Variants in UNC13C observed in about 807,000 individuals in gnomAD.
The protein encoded by UNC13C is protein unc-13 homolog C.
UNC13C carries 174 observed loss-of-function variants against 245.4 expected under a neutral mutation model. The ratio of observed to expected loss-of-function variants is 0.71; its 90% CI spans 0.63 to 0.80. The LOEUF (loss-of-function observed/expected upper bound fraction) is 0.80, where lower values mean the gene tolerates loss of function less well. UNC13C is among the 30% of genes least tolerant of loss of function. The probability of loss-of-function intolerance (pLI) is 0.00; values close to 1 mark genes in which losing one functional copy is unlikely to be tolerated. For missense variants in UNC13C, 2,829 were observed against 2,602.9 expected (o/e 1.09, Z -1.89); for synonymous variants, 992 against 895.1 (o/e 1.11, Z -1.93).
At chr15:54,433,153 A>G (rs760839079) in intron 19 of UNC13C, among the ~76,000 whole-genome samples, 1 of 152,152 alleles carries the variant, frequency 6.6e-6, no homozygotes, top group Non-Finnish European at 1.5e-5. Context: ...ATTCTACCAG[A>G]GATACAAAGA....
chr15:54,054,207 C>T (rs1430093569), intron 2 of UNC13C, among the ~76,000 whole-genome samples: 4 of 152,190 alleles, frequency 2.6e-5, no homozygotes, highest in Non-Finnish European at 5.9e-5. Context: ...AAACTGTTCT[C>T]CATGATGGTT....
At position 54,500,929 on chromosome 15, in the gene UNC13C, A is replaced by G; in HGVS notation, c.5252A>G (p.Glu1751Gly). 1 of 1,613,034 alleles carries G rather than the reference A, an allele frequency of 6.2e-7. No homozygotes were observed. The highest frequency in any genetic ancestry group is 8.5e-7 in the Non-Finnish European group (1 of 1,179,264). Residue 1751 changes from glutamate to glycine, a missense_variant, in exon 22 of 33, where the codon GAA (glutamate) becomes GGA (glycine). By Grantham distance (98) the Glu-to-Gly change is moderately conservative. Coordinates refer to ENST00000260323, the MANE Select transcript of UNC13C (RefSeq NM_001080534.3). Reference protein sequence around the residue: ...NQSFEIIKKLECPNPEALSHL... With the variant: ...NQSFEIIKKLGCPNPEALSHL... ...AGCTTTGAAATTATTAAGAAACTGG[A>G]ATGCCCTAATCCTGAAGCATTATCT...
chr15:54,164,710 G>A (rs1199319936), intron 4 of UNC13C, among the ~76,000 whole-genome samples: 1 of 152,070 alleles, frequency 6.6e-6, no homozygotes, highest in Non-Finnish European at 1.5e-5. Context: ...CAAATGTTCT[G>A]GATTGATGTA....
intron 1 of UNC13C, among the ~76,000 whole-genome samples, chr15:53,981,212 T>C (rs973093066): frequency 2.6e-5 from 4 of 152,190 alleles, no homozygotes; most frequent in African/African-American, 9.7e-5. Flanking sequence ...CTCTGAAGTA[T>C]TATGCCACCT....
intron 30 of UNC13C, among the ~76,000 whole-genome samples, chr15:54,603,225 A>T (rs1771938066): frequency 6.6e-6 from 1 of 152,034 alleles, no homozygotes; most frequent in African/African-American, 2.4e-5. Flanking sequence ...ATTTGGGAGG[A>T]TCCAAAAATT....
intron 17 of UNC13C, among the ~76,000 whole-genome samples, chr15:54,369,216 A>G (rs1306073224): frequency 6.6e-6 from 1 of 151,400 alleles, no homozygotes; most frequent in African/African-American, 2.4e-5. Context: ...AAAAAGTTGA[A>G]TGCTAGAGGA....
At chr15:54,552,635 A>AT (rs1343714600) in intron 28 of UNC13C, among the ~76,000 whole-genome samples, 1 of 82,272 alleles carries the variant, frequency 1.2e-5, no homozygotes, top group Non-Finnish European at 2.0e-5. Flanking sequence ...ATATTGTACA[A>AT]TATAATATAA....
intron 10 of UNC13C, among the ~76,000 whole-genome samples, chr15:54,273,537 C>A (rs1200598864): frequency 6.6e-6 from 1 of 152,136 alleles, no homozygotes; most frequent in East Asian, 1.9e-4. Flanking sequence ...ATAATTAGCT[C>A]AGTTCATCTT....
At chr15:54,531,465 A>T (rs1895731329) in intron 25 of UNC13C, among the ~76,000 whole-genome samples, 1 of 152,186 alleles carries the variant, frequency 6.6e-6, no homozygotes. Flanking sequence ...TCACTGTCTG[A>T]AATTCAAATT....
At chr15:54,165,096 C>T (rs995217785) in intron 4 of UNC13C, among the ~76,000 whole-genome samples, 39 of 152,034 alleles carry the variant, frequency 2.6e-4, no homozygotes, top group African/African-American at 8.9e-4. Context: ...TAAAAAGTCA[C>T]CTTCCCTTTG....
chr15:54,152,594 A>G (rs375663238), intron 4 of UNC13C, among the ~76,000 whole-genome samples: 1 of 152,138 alleles, frequency 6.6e-6, no homozygotes, highest in Non-Finnish European at 1.5e-5. Context: ...CCACTGATAC[A>G]TCCTTTATGA....
the UNC13C span, among the ~76,000 whole-genome samples, chr15:53,844,590 C>A: frequency 6.6e-6 from 1 of 152,050 alleles, no homozygotes; most frequent in African/African-American, 2.4e-5. Context: ...GCATTCTTGA[C>A]GATGACATTT....
intron 17 of UNC13C, among the ~76,000 whole-genome samples, chr15:54,356,901 A>G (rs927994375): frequency 6.6e-6 from 1 of 152,114 alleles, no homozygotes; most frequent in Non-Finnish European, 1.5e-5. Context: ...AAGGCACTTC[A>G]ATGTTTAATC....
rs529812728 is a variant in UNC13C, at chr15:54,626,977, C to G, written c.6509C>G (p.Pro2170Arg). 85 of 1,613,406 alleles carry G rather than the reference C, an allele frequency of 5.3e-5. No homozygotes were observed. The highest frequency in any genetic ancestry group is 4.5e-4 in the African/African-American group (34 of 74,990). ...AEKGSYGAWYPLLKNISMDET... is the reference protein window; with the variant it reads ...AEKGSYGAWYRLLKNISMDET... Reference sequence around the variant, plus strand: ...AAGGGAAGCTATGGGGCATGGTATCCTCTTCTGAAAAATATCTCTATGGAT... The same window carrying G: ...AAGGGAAGCTATGGGGCATGGTATCGTCTTCTGAAAAATATCTCTATGGAT... Residue 2170 changes from proline (P) to arginine (R), a missense_variant, in exon 33 of 33, where the codon CCT becomes CGT. Coordinates refer to ENST00000260323, the MANE Select transcript of UNC13C (RefSeq NM_001080534.3).
intron 17 of UNC13C, among the ~76,000 whole-genome samples, chr15:54,353,404 A>G (rs1171644777): frequency 9.2e-5 from 14 of 152,206 alleles, no homozygotes; most frequent in Admixed American, 9.2e-4. Context: ...ATGTGTCCCT[A>G]CAAAGACCAG....
intron 10 of UNC13C, among the ~76,000 whole-genome samples, chr15:54,286,968 T>C (rs76494613): frequency 0.018 from 2,758 of 152,284 alleles, 72 homozygotes; most frequent in African/African-American, 0.062. Context: ...AGAAGAGAAT[T>C]ATTTTTAATT....
At chr15:54,528,699 C>T (rs605869) in intron 25 of UNC13C, among the ~76,000 whole-genome samples, 64,359 of 151,760 alleles carry the variant, frequency 0.42, 16,054 homozygotes, top group Middle Eastern at 0.64. Flanking sequence ...GTCTATCTCC[C>T]CACCCCAATG....
chr15:54,569,027 A>G (rs1897635738), intron 30 of UNC13C, among the ~76,000 whole-genome samples: 1 of 152,222 alleles, frequency 6.6e-6, no homozygotes, highest in Non-Finnish European at 1.5e-5. Context: ...ATGCAGAAAT[A>G]TTCAAAACAT....
At chr15:53,848,816 C>T in the UNC13C span, among the ~76,000 whole-genome samples, 5 of 152,004 alleles carry the variant, frequency 3.3e-5, no homozygotes, top group African/African-American at 9.7e-5. Flanking sequence ...TTTGAAATTA[C>T]GTTACTAGAT....
Sources: allele counts gnomAD v4.1 joint callset (sites outside exome capture counted in the v4.1 genomes callset), GRCh38; gene constraint gnomAD v4.1.1; transcripts MANE v1.5; gene names NCBI Gene and HGNC (gene_info 2026-07-23, HGNC 2026-07-21).